PCDH15: variants seen among roughly 807,000 people sequenced by gnomAD.
PCDH15 encodes protocadherin related 15, also known as protocadherin-15.
In PCDH15, 129 loss-of-function variants were observed where a neutral mutation model predicts 178.5. That is an observed-to-expected ratio of 0.72 (90% confidence interval 0.63 to 0.84). The LOEUF is 0.84. Ranked by LOEUF, PCDH15 falls within the 40% of genes least tolerant of loss-of-function variation. The pLI is 0.00. For missense variants in PCDH15, 2,230 were observed against 2,099.9 expected, an observed-to-expected ratio of 1.06 and a Z score of -1.21; for synonymous variants, 800 against 732.0, an observed-to-expected ratio of 1.09 and a Z score of -1.50.
chr10:54,858,815 C>T (rs999763913), intron 3 of PCDH15, among the ~76,000 whole-genome samples: 4 of 152,018 alleles, frequency 2.6e-5, no homozygotes, highest in African/African-American at 9.6e-5. Flanking sequence ...TGGTGAATGG[C>T]ATGACATTAT....
Position 54,661,218 on chromosome 10 carries a change from CT to C in PCDH15, c.91+2953del, listed in dbSNP as rs756211548. ...AAGATTTCAGGATACAAAATAAATG[CT>C]TGAAAATCAGTTTCATTTACATAGA... On this transcript the variant is annotated intron_variant, in intron 2 of 37. Transcript: ENST00000644397. Among the ~76,000 whole-genome samples the C allele has an allele frequency of 4.5e-4, 69 of 152,054 alleles. 1 individual carries two copies. Among genetic ancestry groups the C allele is most frequent in the Non-Finnish European group, 9.0e-4 (61 of 67,906 alleles).
intron 8 of PCDH15, among the ~76,000 whole-genome samples, chr10:54,293,709 A>G (rs911622433): frequency 3.3e-5 from 5 of 152,250 alleles, no homozygotes; most frequent in Non-Finnish European, 7.3e-5. Context: ...CAACAGACAC[A>G]TGAAAAAATG....
chr10:55,219,880 TCACACACA>T (rs71461286), intron 1 of PCDH15, among the ~76,000 whole-genome samples: 10 of 144,056 alleles, frequency 6.9e-5, no homozygotes, highest in Non-Finnish European at 1.4e-4. Flanking sequence ...CTGATATCAG[TCACACACA>T]CACACACACA....
chr10:55,154,721 G>T (rs1023702435), intron 2 of PCDH15, among the ~76,000 whole-genome samples: 13 of 152,074 alleles, frequency 8.5e-5, no homozygotes, highest in Non-Finnish European at 7.4e-5. Flanking sequence ...AGGGCAAATA[G>T]AATTTTCATC....
chr10:54,294,836 C>A (rs2059643647), intron 8 of PCDH15, among the ~76,000 whole-genome samples: 1 of 152,096 alleles, frequency 6.6e-6, no homozygotes, highest in Admixed American at 6.5e-5. Context: ...TTGATAAAGG[C>A]ATTGTGGTAT....
At chr10:55,615,050 A>G (rs1229253039) in intron 2 of PCDH15, among the ~76,000 whole-genome samples, 5 of 152,150 alleles carry the variant, frequency 3.3e-5, no homozygotes, top group Non-Finnish European at 7.4e-5. Flanking sequence ...GGTTATTTGG[A>G]AAATTGTAAA....
At chr10:54,818,942 A>G (rs1018890436) in intron 3 of PCDH15, among the ~76,000 whole-genome samples, 168 of 152,062 alleles carry the variant, frequency 1.1e-3, no homozygotes, top group African/African-American at 3.9e-3. Flanking sequence ...TATTTATTTT[A>G]GAGACAGGGC....
intron 2 of PCDH15, among the ~76,000 whole-genome samples, chr10:55,470,358 A>AG (rs1839930227): frequency 6.6e-6 from 1 of 152,130 alleles, no homozygotes; most frequent in South Asian, 2.1e-4. Flanking sequence ...AAAAGAAAAA[A>AG]AAAAAGGTCA....
At chr10:54,487,863 AT>A (rs1245857550) in intron 3 of PCDH15, among the ~76,000 whole-genome samples, 5 of 151,898 alleles carry the variant, frequency 3.3e-5, no homozygotes, top group Non-Finnish European at 5.9e-5. Context: ...CTAGCCTTTC[AT>A]TTTAAACAAA....
chr10:54,035,770 T>C (rs11004011), intron 18 of PCDH15, among the ~76,000 whole-genome samples: 63,222 of 151,732 alleles, frequency 0.42, 14,343 homozygotes, highest in Middle Eastern at 0.64. Context: ...TTAAGCTTAG[T>C]GAGAAAGGTA....
chr10:54,384,580 T>C (rs1202637114), intron 3 of PCDH15, among the ~76,000 whole-genome samples: 1 of 152,190 alleles, frequency 6.6e-6, no homozygotes, highest in Admixed American at 6.5e-5. Context: ...CCTACCCTTC[T>C]AGATGTTTGA....
At chr10:55,320,874 T>C (rs1333776440), upstream of PCDH15, among the ~76,000 whole-genome samples, 1 of 152,084 alleles carries the variant, frequency 6.6e-6, no homozygotes, top group East Asian at 1.9e-4. Flanking sequence ...AAAGCCAGAG[T>C]ATCTTCTTAC....
chr10:54,211,591 T>C (rs10825276), intron 10 of PCDH15, among the ~76,000 whole-genome samples: 109,163 of 151,938 alleles, frequency 0.72, 40,441 homozygotes, highest in African/African-American at 0.81. Context: ...TCACCAGCTG[T>C]TAAATACACA....
intron 18 of PCDH15, among the ~76,000 whole-genome samples, chr10:54,062,227 C>CAAAAAAAAAAAAAAAAAAAAAAAA (rs72361686): frequency 1.7e-4 from 9 of 53,838 alleles, no homozygotes; most frequent in Non-Finnish European, 2.3e-4. Context: ...GATTCTGTCT[C>CAAAAAAAAAAAAAAAAAAAAAAAA]AAAAAAAAAA....
chr10:55,442,920 G>T (rs1247725625), intron 2 of PCDH15, among the ~76,000 whole-genome samples: 2 of 152,018 alleles, frequency 1.3e-5, no homozygotes, highest in African/African-American at 4.8e-5. Flanking sequence ...GAACATTCCA[G>T]ATCAAGAGGA....
intron 27 of PCDH15, among the ~76,000 whole-genome samples, chr10:53,864,008 T>TA (rs1438256601): frequency 6.6e-6 from 1 of 152,074 alleles, no homozygotes; most frequent in Non-Finnish European, 1.5e-5. Flanking sequence ...GAGGACAAGG[T>TA]ATTGGAGATT....
intron 13 of PCDH15, among the ~76,000 whole-genome samples, chr10:54,155,680 T>C (rs12249214): frequency 0.014 from 2,189 of 152,018 alleles, 60 homozygotes; most frequent in African/African-American, 0.051. Flanking sequence ...AAGACCTTTT[T>C]TTTTTTAAAC....
At chr10:54,208,340 G>A (rs972985) in intron 10 of PCDH15, among the ~76,000 whole-genome samples, 137,713 of 152,056 alleles carry the variant, frequency 0.91, 62,569 homozygotes, top group East Asian at 0.98. Flanking sequence ...CTGAACTGAG[G>A]TGTGGTGTGC....
At chr10:55,305,126 T>C (rs1263521261) in intron 1 of PCDH15, among the ~76,000 whole-genome samples, 10 of 152,180 alleles carry the variant, frequency 6.6e-5, no homozygotes, top group Admixed American at 1.3e-4. Context: ...CAAGTGAACA[T>C]TCTGATCTAT....
Sources: allele counts gnomAD v4.1 joint callset (sites outside exome capture counted in the v4.1 genomes callset), GRCh38; gene constraint gnomAD v4.1.1; transcripts MANE v1.5; gene names NCBI Gene and HGNC (gene_info 2026-07-23, HGNC 2026-07-21).